Variants in SNRNP25 observed in about 807,000 individuals in gnomAD.
SNRNP25 encodes U11/U12 small nuclear ribonucleoprotein 25 kDa protein.
SNRNP25 carries 21 observed loss-of-function variants against 23.9 expected under a neutral mutation model. The ratio of observed to expected loss-of-function variants is 0.88; its 90% confidence interval spans 0.62 to 1.27. The LOEUF (loss-of-function observed/expected upper bound fraction) is 1.27. SNRNP25 is among the 50% of genes most tolerant of loss of function. The pLI is 0.00. For missense variants in SNRNP25, 160 were observed against 156.9 expected (o/e 1.02, Z -0.11); for synonymous variants, 63 against 60.4 (o/e 1.04, Z -0.20).
chr16:55,822 C>T lies in SNRNP25; in HGVS notation c.179C>T (p.Ala60Val), dbSNP rs141965363. The T allele has an allele frequency of 2.5e-6, 4 of 1,614,030 alleles. No homozygotes were observed. The African/African-American group carries it at 4.0e-5, about 16-fold the overall frequency. The change falls in exon 3 of 5, where the codon GCC becomes GTC. Residue 60 changes from alanine (A) to valine (V), a missense_variant. Transcript: ENST00000293861. ...GCCACAGTCCTGGACCTGAAGAAGG[C>T]CATCCAGAGATACGTGCAGCTCAAG... is the stretch of plus-strand genomic sequence containing the variant. ...QSATVLDLKK[A>V]IQRYVQLKQE...
intron 3 of SNRNP25, chr16:56,221 G>A (rs1897405014): frequency 2.9e-6 from 2 of 680,096 alleles, no homozygotes; most frequent in East Asian, 5.8e-5. Flanking sequence ...ACCTGTAGGG[G>A]CTCCCATCCC....
chr16:54,741 T>C (rs1897384650), intron 1 of SNRNP25, among the ~76,000 whole-genome samples: 1 of 152,078 alleles, frequency 6.6e-6, no homozygotes, highest in African/African-American at 2.4e-5. Flanking sequence ...TATTTGAGAC[T>C]GAGTCTTGGT....
chr16:53,865 G>A lies in SNRNP25; in HGVS notation c.-152G>A, dbSNP rs1897372097. The A allele has an allele frequency of 1.4e-6, 2 of 1,462,388 alleles. No individual in the cohort carries two copies. The highest frequency in any genetic ancestry group is 1.4e-5 in the African/African-American group (1 of 69,728). The allele number at this position is 1,462,388 out of a possible 1,614,324, so 90.6% of individuals were successfully genotyped here. A position where few individuals can be genotyped will look rare whatever the true frequency, so the allele number is the denominator to read the frequency against. On this transcript the variant is annotated 5_prime_UTR_variant, in exon 1 of 5. Coordinates refer to ENST00000293861, the MANE Select transcript of SNRNP25 (RefSeq NM_024571.4). ...CGTGCGCGCTTGGCCTCCCTAGTGC[G>A]GGCTGGCAGTGCGGGCAGAGCCCGG...
chr16:55,318 C>T (rs1374446837), intron 1 of SNRNP25, 141 bp from the exon 2 acceptor site: 5 of 689,580 alleles, frequency 7.3e-6, no homozygotes, highest in Non-Finnish European at 1.0e-5. Context: ...AATTGGGAAA[C>T]CATAACGTAC....
At position 56,249 on chromosome 16, in the gene SNRNP25, G is replaced by A. The variant is rs1053450139; in HGVS notation, c.240-290G>A. 4.8e-5 allele frequency: 33 copies of A among 691,322 alleles called. No individual in the cohort carries two copies. The East Asian group carries it at 7.7e-4, about 16-fold the overall frequency. The allele number at this position is 691,322 out of a possible 1,614,324, so 42.8% of individuals were successfully genotyped here. On this transcript the variant is annotated intron_variant, in intron 3 of 4. Transcript: ENST00000293861. ...CCCATCCCCTTCTCACCTGGGTGCT[G>A]TCAGCCCTCACTCTCCTATTGGATC...
rs775594780 is a variant in SNRNP25, at chr16:57,110, G to C, written c.339G>C (p.Glu113Asp). The C allele has an allele frequency of 1.5e-5, 24 of 1,613,952 alleles. No individual in the cohort carries two copies. Among genetic ancestry groups the C allele is most frequent in the Non-Finnish European group, 1.9e-5 (22 of 1,180,016 alleles). The change falls in exon 5 of 5, where the codon GAG (glutamate) becomes GAC (aspartate). Residue 113 changes from glutamate (E) to aspartate (D), a missense_variant. Physicochemically the swap from Glu to Asp is conservative, Grantham distance 45 (BLOSUM62 2). Coordinates refer to ENST00000293861, the MANE Select transcript of SNRNP25 (RefSeq NM_024571.4). ...GCTACGGCATCCGGAATCGAGACGA[G>C]GTTTCCTTCATCAAAAAGCTGAGGC... ...LRDYGIRNRD[E>D]VSFIKKLRQK
Position 55,987 on chromosome 16 carries a change from G to T in SNRNP25, c.239+105G>T, listed in dbSNP as rs1222840819. Reference sequence around the variant, plus strand: ...GGAAACAGCTCTCAGCTCTGCATGAGTACAGCACCACTGAAGTGATGAGCT... The same window carrying T: ...GGAAACAGCTCTCAGCTCTGCATGATTACAGCACCACTGAAGTGATGAGCT... On this transcript the variant is annotated intron_variant, in intron 3 of 4. Coordinates refer to ENST00000293861, the MANE Select transcript of SNRNP25 (RefSeq NM_024571.4). 9 of 979,396 alleles carry T rather than the reference G, an allele frequency of 9.2e-6. No homozygotes were observed. The East Asian group carries it at 2.4e-4, about 26-fold the overall frequency. 60.7% of individuals were successfully genotyped at this position (979,396 alleles called of 1,614,324 possible). A position where few individuals can be genotyped will look rare whatever the true frequency, so the allele number is the denominator to read the frequency against.
intron 4 of SNRNP25, 133 bp downstream of exon 4, chr16:56,746 T>G: frequency 1.1e-6 from 1 of 939,998 alleles, no homozygotes; most frequent in Non-Finnish European, 1.6e-6. Context: ...CTTGGGGCCC[T>G]CCCCACTAGG....
rs1395695897 is a variant in SNRNP25, at chr16:53,925, CG to C, written c.-89del. On this transcript the variant is annotated 5_prime_UTR_variant, in exon 1 of 5. Coordinates refer to ENST00000293861, the MANE Select transcript of SNRNP25 (RefSeq NM_024571.4). ...GCGGCCCTGGAGGAGACGGAGGCCG[CG>C]GGTGGGCCCGAGGCGCAAGAGGAAG... The C allele has an allele frequency of 6.4e-7, 1 of 1,552,458 alleles. No homozygotes were observed. The highest frequency in any genetic ancestry group is 8.7e-7 in the Non-Finnish European group (1 of 1,146,652).
Position 57,291 on chromosome 16 carries a change from C to T in SNRNP25, c.*148C>T. 1.2e-6 allele frequency: 1 copy of T among 807,802 alleles called. No individual in the cohort carries two copies. The highest frequency in any genetic ancestry group is 2.1e-6 in the Non-Finnish European group (1 of 485,330). 50.0% of individuals were successfully genotyped at this position (807,802 alleles called of 1,614,324 possible). On this transcript the variant is annotated 3_prime_UTR_variant, in exon 5 of 5. Coordinates refer to ENST00000293861, the MANE Select transcript of SNRNP25 (RefSeq NM_024571.4). ...GCCCAACAGTAACTGTCAGCATAAA[C>T]CTGGGGGCCCTCAGGACTAGGACAG...
At chr16:55,313 G>A (rs1447082426) in intron 1 of SNRNP25, 146 bp from the exon 2 acceptor site, 13 of 673,694 alleles carry the variant, frequency 1.9e-5, no homozygotes, top group Non-Finnish European at 3.5e-5. Flanking sequence ...TGATGAATTG[G>A]GAAACCATAA....
In SNRNP25 at chr16:57,066, T is replaced by C; in HGVS notation, c.315-20T>C. The C allele has an allele frequency of 2.5e-6, 4 of 1,614,092 alleles. No individual in the cohort carries two copies. Among genetic ancestry groups the C allele is most frequent in the Non-Finnish European group, 3.4e-6 (4 of 1,179,954 alleles). On this transcript the variant is annotated intron_variant, in intron 4 of 4. Transcript: ENST00000293861. ...GTCCTTCTGTAGGGCAGGTGCTTTA[T>C]GCCTTTCCTTCTTTTTCAGCTACGG... is the stretch of plus-strand genomic sequence containing the variant.
At position 57,331 on chromosome 16, in the gene SNRNP25, C is replaced by T. The variant is rs1596461295; in HGVS notation, c.*188C>T. 4.8e-6 allele frequency: 3 copies of T among 631,132 alleles called. No homozygotes were observed. The South Asian group carries it at 5.6e-5, about 12-fold the overall frequency. The allele number at this position is 631,132 out of a possible 1,614,324, so 39.1% of individuals were successfully genotyped here. A position where few individuals can be genotyped will look rare whatever the true frequency, so the allele number is the denominator to read the frequency against. On this transcript the variant is annotated 3_prime_UTR_variant, in exon 5 of 5. Coordinates refer to ENST00000293861, the MANE Select transcript of SNRNP25 (RefSeq NM_024571.4). Reference sequence around the variant, plus strand: ...GACTAGGACAGGGTGAGCCAGTGCTCCCTCCTTTCATGTACTTGGCCTGAG... The same window carrying T: ...GACTAGGACAGGGTGAGCCAGTGCTTCCTCCTTTCATGTACTTGGCCTGAG...
chr16:57,213 ATCATCGTGCCTCTT>A lies in SNRNP25; in HGVS notation c.*74_*87del. 1 of 1,500,134 alleles carries A rather than the reference ATCATCGTGCCTCTT, an allele frequency of 6.7e-7. No individual in the cohort carries two copies. The highest frequency in any genetic ancestry group is 9.3e-7 in the Non-Finnish European group (1 of 1,077,466). The allele number at this position is 1,500,134 out of a possible 1,614,324, so 92.9% of individuals were successfully genotyped here. On this transcript the variant is annotated 3_prime_UTR_variant, in exon 5 of 5. Coordinates refer to ENST00000293861, the MANE Select transcript of SNRNP25 (RefSeq NM_024571.4). The stretch of plus-strand genomic sequence containing the variant: ...TTTCCCAGCAGGAATGGGTCCTCGA[ATCATCGTGCCTCTT>A]TCACAGAAAGGACGTTGTGGTGGCC...
intron 4 of SNRNP25, 52 bp from the exon 5 acceptor site, chr16:57,034 C>A: frequency 6.3e-7 from 1 of 1,599,946 alleles, no homozygotes; most frequent in Non-Finnish European, 8.6e-7. Flanking sequence ...AGGGGAGTCA[C>A]AGATATGTCC....
chr16:54,152 G>A, intron 1 of SNRNP25, 94 bp downstream of exon 1: 6 of 1,388,132 alleles, frequency 4.3e-6, no homozygotes, highest in African/African-American at 1.4e-5. Flanking sequence ...GTGGGAGACT[G>A]CGGCCCAAGG....
At position 55,569 on chromosome 16, in the gene SNRNP25, C is replaced by T; in HGVS notation, c.133+20C>T. ...TAATGCGTAAGTGCTACCCTCCTCC[C>T]TTCAGGTTATGTGGTCCAGGCTTTC... On this transcript the variant is annotated intron_variant, in intron 2 of 4. Transcript: ENST00000293861. The T allele has an allele frequency of 6.2e-7, 1 of 1,613,006 alleles. No homozygotes were observed. Among genetic ancestry groups the T allele is most frequent in the Non-Finnish European group, 8.5e-7 (1 of 1,179,108 alleles).
chr16:56,546 G>C lies in SNRNP25; in HGVS notation c.247G>C (p.Val83Leu), dbSNP rs114051538. 9.3e-6 allele frequency: 15 copies of C among 1,613,874 alleles called. No homozygotes were observed. Among genetic ancestry groups the C allele is most frequent in the Non-Finnish European group, 1.2e-5 (14 of 1,180,012 alleles). Residue 83 changes from valine to leucine, a missense_variant, in exon 4 of 5, where the codon GTG (valine) becomes CTG (leucine). Val to Leu is a conservative substitution (Grantham distance 32, BLOSUM62 1). Transcript: ENST00000293861. ...TGCATTCCCCTCTTGCAGGTCCTAC[G>C]TGTGGAGGACGTACCATCTGACCTC... ...GGIQHISWSY[V>L]WRTYHLTSAG...
chr16:56,722 C>T (rs1897416016), intron 4 of SNRNP25, 109 bp downstream of exon 4: 1 of 1,191,416 alleles, frequency 8.4e-7, no homozygotes, highest in East Asian at 2.4e-5. Context: ...TAACACCCTC[C>T]TCCAAGGAGC....
Sources: allele counts gnomAD v4.1 joint callset (sites outside exome capture counted in the v4.1 genomes callset), GRCh38; gene constraint gnomAD v4.1.1; transcripts MANE v1.5; gene names NCBI Gene and HGNC (gene_info 2026-07-23, HGNC 2026-07-21).